Variants in ZNF385D observed in about 807,000 individuals in gnomAD.
The protein encoded by ZNF385D is zinc finger protein 385D.
In ZNF385D, 15 loss-of-function variants were observed where a neutral mutation model predicts 35.8. That is an observed-to-expected ratio of 0.42 (90% CI 0.28 to 0.64). ZNF385D has a LOEUF of 0.64. ZNF385D is among the 30% of genes least tolerant of loss of function. The pLI is 0.23. For synonymous variants in ZNF385D, 212 were observed against 186.8 expected (o/e 1.13, Z -1.10); for missense variants, 474 against 494.6 (o/e 0.96, Z 0.39).
intron 5 of ZNF385D, among the ~76,000 whole-genome samples, chr3:21,432,475 A>G (rs1701338215): frequency 6.6e-6 from 1 of 152,160 alleles, no homozygotes; most frequent in African/African-American, 2.4e-5. Context: ...TAAATTAGTA[A>G]TGAGCTTTAA....
chr3:21,941,490 C>CTTTTTTTTTTTTTTTTTTTTTTTTTTT (rs531693623), intron 3 of ZNF385D, among the ~76,000 whole-genome samples: 1 of 63,586 alleles, frequency 1.6e-5, no homozygotes, highest in Non-Finnish European at 2.7e-5. Context: ...TTCCATTACT[C>CTTTTTTTTTTTTTTTTTTTTTTTTTTT]TTTTTTTTTT....
At chr3:21,688,995 C>T (rs1433854421) in intron 1 of ZNF385D, among the ~76,000 whole-genome samples, 1 of 152,014 alleles carries the variant, frequency 6.6e-6, no homozygotes, top group Non-Finnish European at 1.5e-5. Flanking sequence ...AAAACATTCT[C>T]AGTGACAAAG....
Position 21,464,242 on chromosome 3 carries a change from G to A in ZNF385D, c.440-27039C>T, listed in dbSNP as rs1216486959. The stretch of plus-strand genomic sequence containing the variant: ...TCGCTGACTGGAGGTTTAATGTAAA[G>A]TAATACATAATACACATAGAATTTT... On this transcript the variant is annotated intron_variant, in intron 4 of 7. Transcript: ENST00000281523. Among the ~76,000 whole-genome samples the A allele has an allele frequency of 7.2e-5, 11 of 152,048 alleles. 1 individual carries two copies. The highest frequency in any genetic ancestry group is 6.5e-4 in the Admixed American group (10 of 15,268).
At position 21,421,224 on chromosome 3, in the gene ZNF385D, G is replaced by C. The variant is rs751647367; in HGVS notation, c.1178C>G (p.Ala393Gly). 1 of 1,613,790 alleles carries C rather than the reference G, an allele frequency of 6.2e-7. No individual in the cohort carries two copies. Among genetic ancestry groups the C allele is most frequent in the African/African-American group, 1.3e-5 (1 of 74,884 alleles). Residue 393 changes from alanine to glycine, a missense_variant, in exon 8 of 8, where the codon GCT (alanine) becomes GGT (glycine). Coordinates refer to ENST00000281523, the MANE Select transcript of ZNF385D (RefSeq NM_024697.3). ...ACTCCTATTTGGAATTTAGTAAGGA[G>C]CAAACAGCACAGGAGTGTGGGCGGT... ...IRTAHTPVLF[A>G]PY is the part of the protein sequence containing the mutation.
intron 3 of ZNF385D, among the ~76,000 whole-genome samples, chr3:22,068,952 A>T (rs1437431438): frequency 6.6e-6 from 1 of 152,158 alleles, no homozygotes; most frequent in Non-Finnish European, 1.5e-5. Context: ...TCCAGATGAC[A>T]TTACATATCC....
intron 1 of ZNF385D, among the ~76,000 whole-genome samples, chr3:21,744,043 C>A (rs1480726254): frequency 6.6e-6 from 1 of 152,118 alleles, no homozygotes; most frequent in Non-Finnish European, 1.5e-5. Context: ...CTCCCTACCC[C>A]CATTCTCCAT....
At chr3:22,265,026 C>T (rs779996496) in intron 2 of ZNF385D, among the ~76,000 whole-genome samples, 3 of 151,770 alleles carry the variant, frequency 2.0e-5, no homozygotes, top group Non-Finnish European at 4.4e-5. Context: ...TTTTTTCATG[C>T]AACATATTAT....
chr3:22,035,537 T>C (rs1314155910), intron 3 of ZNF385D, among the ~76,000 whole-genome samples: 1 of 152,222 alleles, frequency 6.6e-6, no homozygotes, highest in African/African-American at 2.4e-5. Context: ...TGTTTTTCAA[T>C]ACTGTGACCT....
At position 21,983,591 on chromosome 3, in the gene ZNF385D, T is replaced by A. The variant is rs369620701; in HGVS notation, c.325+185226A>T. 1.2e-4 allele frequency among the ~76,000 whole-genome samples: 17 copies of A among 143,272 alleles called. No individual in the cohort carries two copies. The East Asian group carries it at 3.4e-3, about 29-fold the overall frequency. 94.0% of individuals were successfully genotyped at this position (143,272 alleles called of 152,430 possible). Reference sequence around the variant, plus strand: ...GTTGGACATTTGGGTTGGTTCCAAGTCTTTGCTATTGTGAATAATGCCGCA... The same window carrying A: ...GTTGGACATTTGGGTTGGTTCCAAGACTTTGCTATTGTGAATAATGCCGCA... On this transcript the variant is annotated intron_variant, in intron 3 of 5. Transcript: ENST00000494108.
chr3:21,581,301 A>G (rs1389311742), intron 2 of ZNF385D, among the ~76,000 whole-genome samples: 2 of 151,978 alleles, frequency 1.3e-5, no homozygotes. Context: ...TATAATTCCT[A>G]TCTCTCCCTC....
At chr3:21,870,138 T>C (rs1697608252) in intron 3 of ZNF385D, among the ~76,000 whole-genome samples, 1 of 152,148 alleles carries the variant, frequency 6.6e-6, no homozygotes, top group Non-Finnish European at 1.5e-5. Context: ...GAAAAAATTG[T>C]ATATAAATGC....
intron 3 of ZNF385D, among the ~76,000 whole-genome samples, chr3:21,902,034 T>C (rs1208103268): frequency 6.6e-6 from 1 of 152,178 alleles, no homozygotes; most frequent in East Asian, 1.9e-4. Flanking sequence ...TCCTGAAACA[T>C]GACACTAAAC....
chr3:22,138,213 A>C (rs1405976366), intron 3 of ZNF385D, among the ~76,000 whole-genome samples: 11 of 152,160 alleles, frequency 7.2e-5, no homozygotes, highest in Non-Finnish European at 1.6e-4. Flanking sequence ...GGTAGGAAGA[A>C]TCAATATCAT....
At chr3:22,257,614 ATAATTGAGAACATCAC>A (rs1700382864) in intron 2 of ZNF385D, among the ~76,000 whole-genome samples, 1 of 151,826 alleles carries the variant, frequency 6.6e-6, no homozygotes, top group Non-Finnish European at 1.5e-5. Flanking sequence ...ATGAAGGAAA[ATAATTGAGAACATCAC>A]TACTCTGCCC....
At chr3:21,934,449 T>G (rs1701165298) in intron 3 of ZNF385D, among the ~76,000 whole-genome samples, 1 of 152,148 alleles carries the variant, frequency 6.6e-6, no homozygotes. Context: ...GCAACCACCA[T>G]CAATTATATA....
In ZNF385D at chr3:22,252,512, G is replaced by A. The variant is rs575071830; in HGVS notation, c.107-83477C>T. Among the ~76,000 whole-genome samples, 4 of 152,110 alleles carry A rather than the reference G, an allele frequency of 2.6e-5. No homozygotes were observed. In the South Asian group the frequency reaches 8.3e-4, roughly 32 times the overall value. On this transcript the variant is annotated intron_variant, in intron 2 of 5. Coordinates refer to the ZNF385D transcript ENST00000494108. Reference sequence around the variant, plus strand: ...AAAGATATGAGCAGAGTTCATGGGAGCAAAGAAAAGAAAACTACTACTGTC... The same window carrying A: ...AAAGATATGAGCAGAGTTCATGGGAACAAAGAAAAGAAAACTACTACTGTC...
intron 3 of ZNF385D, among the ~76,000 whole-genome samples, chr3:21,921,675 T>C (rs1700469112): frequency 9.2e-6 from 1 of 108,538 alleles, no homozygotes; most frequent in South Asian, 3.7e-4. Context: ...CAAGAATATA[T>C]GTCTTCAAAA....
intron 4 of ZNF385D, among the ~76,000 whole-genome samples, chr3:21,475,289 C>G (rs967606950): frequency 1.3e-5 from 2 of 152,060 alleles, no homozygotes; most frequent in Non-Finnish European, 2.9e-5. Context: ...ACATTAAAAT[C>G]TATATGTATT....
intron 3 of ZNF385D, among the ~76,000 whole-genome samples, chr3:21,844,185 T>C (rs1695855415): frequency 6.6e-6 from 1 of 151,930 alleles, no homozygotes; most frequent in Admixed American, 6.6e-5. Flanking sequence ...ACAAGTAAGA[T>C]TTAGTACATT....
Sources: allele counts gnomAD v4.1 joint callset (sites outside exome capture counted in the v4.1 genomes callset), GRCh38; gene constraint gnomAD v4.1.1; transcripts MANE v1.5; gene names NCBI Gene and HGNC (gene_info 2026-07-23, HGNC 2026-07-21).